MSI2: variants seen among roughly 807,000 people sequenced by gnomAD.
MSI2 encodes RNA-binding protein Musashi homolog 2.
A neutral mutation model predicts 45.6 loss-of-function variants in MSI2; 17 were observed. The observed-to-expected ratio is 0.37, with a 90% CI of 0.26 to 0.56. MSI2 has a LOEUF of 0.56. Among genes scored for constraint, MSI2 ranks in the 20% least tolerant of loss-of-function variants. The pLI is 0.77. For missense variants in MSI2, 293 were observed against 444.2 expected (o/e 0.66, Z 3.06); for synonymous variants, 156 against 158.2 (o/e 0.99, Z 0.11).
At chr17:57,445,470 A>G (rs1486725415) in intron 6 of MSI2, among the ~76,000 whole-genome samples, 1 of 151,238 alleles carries the variant, frequency 6.6e-6, no homozygotes, top group Admixed American at 6.6e-5. Context: ...TCAACATGGT[A>G]TCCTCAGCAC....
intron 5 of MSI2, among the ~76,000 whole-genome samples, chr17:57,331,685 A>G (rs1407750921): frequency 1.3e-5 from 2 of 152,124 alleles, no homozygotes; most frequent in Non-Finnish European, 2.9e-5. Flanking sequence ...TTGGCATGTA[A>G]CCTTCCTTTG....
the MSI2 span, among the ~76,000 whole-genome samples, chr17:57,695,108 T>G: frequency 6.6e-6 from 1 of 152,220 alleles, no homozygotes; most frequent in Non-Finnish European, 1.5e-5. Flanking sequence ...CTGCTTCACT[T>G]AACCAATGAG....
intron 7 of MSI2, among the ~76,000 whole-genome samples, chr17:57,547,296 G>T (rs888914984): frequency 6.6e-6 from 1 of 152,194 alleles, no homozygotes; most frequent in African/African-American, 2.4e-5. Flanking sequence ...ACCCTCAGGA[G>T]GAGGTCAGAA....
At chr17:57,586,572 T>G (rs2088354179) in intron 7 of MSI2, among the ~76,000 whole-genome samples, 1 of 152,118 alleles carries the variant, frequency 6.6e-6, no homozygotes, top group Non-Finnish European at 1.5e-5. Context: ...TGCTTTCGCG[T>G]AAGGATTTGA....
chr17:57,343,194 A>G (rs925750173), intron 5 of MSI2, among the ~76,000 whole-genome samples: 1 of 152,214 alleles, frequency 6.6e-6, no homozygotes, highest in Middle Eastern at 3.2e-3. Flanking sequence ...CTCTTGACCC[A>G]CTTTGCAGAT....
intron 7 of MSI2, among the ~76,000 whole-genome samples, chr17:57,565,476 C>G (rs192202559): frequency 6.4e-4 from 97 of 152,340 alleles, no homozygotes; most frequent in African/African-American, 2.2e-3. Flanking sequence ...GAGGCCTCGT[C>G]TTCTGTCTAG....
At chr17:57,276,462 T>C (rs752880434) in intron 5 of MSI2, among the ~76,000 whole-genome samples, 2 of 152,248 alleles carry the variant, frequency 1.3e-5, no homozygotes, top group Non-Finnish European at 2.9e-5. Context: ...CTTCAACTGT[T>C]GTCACGAATG....
Position 57,529,988 on chromosome 17 carries a change from C to G in MSI2, c.454+264C>G, listed in dbSNP as rs553772285. On this transcript the variant is annotated intron_variant, in intron 7 of 13. Transcript: ENST00000284073. This position sits in a 1 kb window ranked among gnomAD's most constrained non-coding sequence, Gnocchi z 5.3. The stretch of plus-strand genomic sequence containing the variant: ...CCCTGACACACATATTCAGATGTAC[C>G]TCTCTAATCCTGCCTTTCTGGGTCC... Among the ~76,000 whole-genome samples the G allele has an allele frequency of 6.6e-6, 1 of 152,190 alleles. No individual in the cohort carries two copies. Among genetic ancestry groups the G allele is most frequent in the Non-Finnish European group, 1.5e-5 (1 of 68,036 alleles).
rs182728638 is a variant in MSI2 at position 57,562,811 on chromosome 17, G to A, written c.454+33087G>A. Among the ~76,000 whole-genome samples the A allele has an allele frequency of 4.6e-5, 7 of 152,030 alleles. No individual in the cohort carries two copies. The East Asian group carries it at 5.8e-4, about 13-fold the overall frequency. On this transcript the variant is annotated intron_variant, in intron 7 of 13. Coordinates refer to ENST00000284073, the MANE Select transcript of MSI2 (RefSeq NM_138962.4). The stretch of plus-strand genomic sequence containing the variant: ...TTTTTTTTTCCTTTTTTAAAAATGC[G>A]TACAGGCCGGGTGCGATGGCTCATG...
At chr17:57,613,953 A>G (rs1907420356) in intron 8 of MSI2, among the ~76,000 whole-genome samples, 1 of 152,176 alleles carries the variant, frequency 6.6e-6, no homozygotes, top group African/African-American at 2.4e-5. Context: ...CATCCCCCTA[A>G]CCTTGAGCAC....
At chr17:57,257,329 G>A (rs557406663) in intron 2 of MSI2, 137 bp from the exon 3 acceptor site, 4 of 598,872 alleles carry the variant, frequency 6.7e-6, no homozygotes, top group South Asian at 2.4e-5. Flanking sequence ...TTTCCCCCGC[G>A]TGTGCAAAAA....
At chr17:57,370,155 C>T (rs1481060961) in intron 5 of MSI2, among the ~76,000 whole-genome samples, 2 of 152,144 alleles carry the variant, frequency 1.3e-5, no homozygotes, top group African/African-American at 4.8e-5. Context: ...GTTTGAGTAG[C>T]CGTGAAAGCT....
At chr17:57,633,616 C>T (rs1909602194) in intron 10 of MSI2, among the ~76,000 whole-genome samples, 1 of 152,198 alleles carries the variant, frequency 6.6e-6, no homozygotes, top group Non-Finnish European at 1.5e-5. Flanking sequence ...CACCAGTGGA[C>T]AGTGGGAATG....
At chr17:57,570,784 T>G (rs999768571) in intron 7 of MSI2, among the ~76,000 whole-genome samples, 1 of 152,090 alleles carries the variant, frequency 6.6e-6, no homozygotes. Context: ...GTCGCCAGAG[T>G]CTGGCAGCTT....
At chr17:57,511,083 C>T (rs746472802) in intron 6 of MSI2, among the ~76,000 whole-genome samples, 11 of 152,164 alleles carry the variant, frequency 7.2e-5, no homozygotes, top group Non-Finnish European at 1.5e-4. Flanking sequence ...ACCACCACAT[C>T]CAGGCAGGGA....
intron 5 of MSI2, among the ~76,000 whole-genome samples, chr17:57,271,537 T>C (rs1398571348): frequency 6.6e-6 from 1 of 152,102 alleles, no homozygotes; most frequent in Non-Finnish European, 1.5e-5. Flanking sequence ...GAGAGAGTGC[T>C]TCAGAAGATC....
chr17:57,345,034 G>A (rs1915489262), intron 5 of MSI2, among the ~76,000 whole-genome samples: 1 of 152,116 alleles, frequency 6.6e-6, no homozygotes, highest in Non-Finnish European at 1.5e-5. Context: ...CTGTACTCCA[G>A]CCTGGGCGAC....
At position 57,256,623 on chromosome 17, in the gene MSI2, G is replaced by C. The variant is rs1193829763; in HGVS notation, c.-120G>C. On this transcript the variant is annotated 5_prime_UTR_variant, in exon 1 of 14. Transcript: ENST00000284073. Reference sequence around the variant, plus strand: ...CAGAGAGATTCGGAGGAGCCCGGGCGGGGGGGAGGAGGAGGGGGAGGAGGG... The same window carrying C: ...CAGAGAGATTCGGAGGAGCCCGGGCCGGGGGGAGGAGGAGGGGGAGGAGGG... The C allele has an allele frequency of 9.1e-6, 4 of 440,090 alleles. No individual in the cohort carries two copies. The highest frequency in any genetic ancestry group is 4.3e-5 in the African/African-American group (2 of 46,834). 27.3% of individuals were successfully genotyped at this position (440,090 alleles called of 1,614,324 possible).
At chr17:57,258,402 T>C (rs1478076275) in intron 4 of MSI2, 48 bp downstream of exon 4, 3 of 1,479,636 alleles carry the variant, frequency 2.0e-6, no homozygotes, top group South Asian at 1.1e-5. Context: ...AGGAACGATC[T>C]GGGCATTGAC....
Sources: allele counts gnomAD v4.1 joint callset (sites outside exome capture counted in the v4.1 genomes callset), GRCh38; gene constraint gnomAD v4.1.1; non-coding constraint Gnocchi (gnomAD v3.1); transcripts MANE v1.5; gene names NCBI Gene and HGNC (gene_info 2026-07-23, HGNC 2026-07-21).